ENOX1: variants seen among roughly 807,000 people sequenced by gnomAD.
ENOX1 encodes the protein ecto-NOX disulfide-thiol exchanger 1, also known as candidate growth-related and time keeping constitutive hydroquinone (NADH) oxidase.
Under a neutral mutation model 82.5 loss-of-function variants are expected in ENOX1, and 42 were observed. The ratio of observed to expected loss-of-function variants is 0.51; its 90% confidence interval spans 0.40 to 0.66. The LOEUF (loss-of-function observed/expected upper bound fraction) is 0.66, where lower values mean the gene tolerates loss of function less well. Among genes scored for constraint, ENOX1 ranks in the 30% least tolerant of loss-of-function variants. The probability of loss-of-function intolerance (pLI) is 0.00; values close to 1 mark genes in which losing one functional copy is unlikely to be tolerated. For synonymous variants in ENOX1, 271 were observed against 282.2 expected (o/e 0.96, Z 0.40); for missense variants, 608 against 811.6 (o/e 0.75, Z 3.05).
At chr13:43,671,968 C>G (rs2085290202) in intron 1 of ENOX1, among the ~76,000 whole-genome samples, 1 of 152,134 alleles carries the variant, frequency 6.6e-6, no homozygotes, top group South Asian at 2.1e-4. Context: ...CAATAGTGTT[C>G]CAGATATTGG....
chr13:43,334,466 G>T (rs190484448), intron 9 of ENOX1, among the ~76,000 whole-genome samples: 2 of 152,276 alleles, frequency 1.3e-5, no homozygotes, highest in African/African-American at 4.8e-5. Flanking sequence ...TCCTTGAGCT[G>T]CTCAGAGTCC....
intron 14 of ENOX1, among the ~76,000 whole-genome samples, chr13:43,249,396 T>C (rs2043323173): frequency 6.6e-6 from 1 of 151,980 alleles, no homozygotes; most frequent in African/African-American, 2.4e-5. Flanking sequence ...ACATGAAAAA[T>C]CTCCTCAACC....
chr13:43,574,268 C>T (rs944139235), intron 2 of ENOX1, among the ~76,000 whole-genome samples: 2 of 152,068 alleles, frequency 1.3e-5, no homozygotes, highest in African/African-American at 4.8e-5. Flanking sequence ...AAACAAGAGG[C>T]CACGCGAAGG....
chr13:43,636,556 T>C (rs1362674395), intron 2 of ENOX1, among the ~76,000 whole-genome samples: 1 of 152,226 alleles, frequency 6.6e-6, no homozygotes, highest in Admixed American at 6.5e-5. Context: ...AAATATTCTC[T>C]TAGCAAAAAT....
chr13:43,650,622 T>C (rs951556233), intron 2 of ENOX1, among the ~76,000 whole-genome samples: 7 of 151,596 alleles, frequency 4.6e-5, no homozygotes, highest in Admixed American at 1.3e-4. Flanking sequence ...GTGGATCATC[T>C]GAGGTCAGGA....
Position 43,608,061 on chromosome 13 carries a change from C to T in ENOX1, c.-219+59418G>A, listed in dbSNP as rs777051557. ...CATTCCATCATGTGACACCACTTTA[C>T]GATATCTTCCTTTGTTATGTGTTCC... is the stretch of plus-strand genomic sequence containing the variant. On this transcript the variant is annotated intron_variant, in intron 2 of 16. Transcript: ENST00000690772. 2.0e-5 allele frequency among the ~76,000 whole-genome samples: 3 copies of T among 152,100 alleles called. 1 individual carries two copies. The highest frequency in any genetic ancestry group is 1.9e-4 in the East Asian group (1 of 5,186).
intron 3 of ENOX1, among the ~76,000 whole-genome samples, chr13:43,452,588 T>C (rs2057027148): frequency 6.6e-6 from 1 of 152,172 alleles, no homozygotes; most frequent in Non-Finnish European, 1.5e-5. Context: ...AGTGGCATGA[T>C]CTCAGCTCAC....
At chr13:43,777,709 A>T (rs1242963936) in intron 1 of ENOX1, among the ~76,000 whole-genome samples, 3 of 145,312 alleles carry the variant, frequency 2.1e-5, no homozygotes, top group African/African-American at 7.5e-5. Context: ...TGCCTGGCTA[A>T]TTTTTTTTTT....
intron 5 of ENOX1, among the ~76,000 whole-genome samples, chr13:43,391,630 TCC>T (rs2052781060): frequency 6.6e-6 from 1 of 152,036 alleles, no homozygotes; most frequent in African/African-American, 2.4e-5. Context: ...TCTCTCTCAC[TCC>T]CCTGTCATCT....
At chr13:43,740,723 T>G (rs1252527926) in intron 1 of ENOX1, among the ~76,000 whole-genome samples, 3 of 152,216 alleles carry the variant, frequency 2.0e-5, no homozygotes, top group African/African-American at 7.2e-5. Flanking sequence ...CAGGCATTTC[T>G]TATAAATGGA....
At chr13:43,448,079 T>C (rs535034358) in intron 3 of ENOX1, among the ~76,000 whole-genome samples, 2 of 152,324 alleles carry the variant, frequency 1.3e-5, no homozygotes, top group Admixed American at 1.3e-4. Flanking sequence ...ACTGGAAACA[T>C]TATTGAACAG....
chr13:43,330,934 C>A (rs1161240924), intron 9 of ENOX1, among the ~76,000 whole-genome samples: 2 of 152,096 alleles, frequency 1.3e-5, no homozygotes, highest in Admixed American at 6.5e-5. Flanking sequence ...TTGCACTTTT[C>A]CCCACCCCAA....
chr13:43,661,196 T>C (rs965339968), intron 2 of ENOX1, among the ~76,000 whole-genome samples: 1 of 152,230 alleles, frequency 6.6e-6, no homozygotes, highest in African/African-American at 2.4e-5. Flanking sequence ...CTGAAATAAT[T>C]GTCTTTATAG....
chr13:43,701,340 A>T (rs1386233977), intron 1 of ENOX1, among the ~76,000 whole-genome samples: 1 of 152,200 alleles, frequency 6.6e-6, no homozygotes, highest in Non-Finnish European at 1.5e-5. Flanking sequence ...AAAGACTTAG[A>T]TTGTTCATCA....
intron 16 of ENOX1, among the ~76,000 whole-genome samples, chr13:43,217,372 C>T (rs1477558745): frequency 1.3e-5 from 2 of 152,174 alleles, no homozygotes; most frequent in African/African-American, 2.4e-5. Flanking sequence ...TCCATCAAAA[C>T]GGTAAGCAAA....
intron 1 of ENOX1, among the ~76,000 whole-genome samples, chr13:43,703,220 C>T (rs887881176): frequency 6.6e-6 from 1 of 152,134 alleles, no homozygotes; most frequent in Non-Finnish European, 1.5e-5. Flanking sequence ...AGAGGAATGA[C>T]TTGGGAGGCA....
intron 2 of ENOX1, among the ~76,000 whole-genome samples, chr13:43,660,426 T>C (rs187355069): frequency 1.5e-3 from 228 of 152,340 alleles, no homozygotes; most frequent in African/African-American, 5.3e-3. Flanking sequence ...GAAATGGGGA[T>C]TACTCTTTTT....
intron 2 of ENOX1, among the ~76,000 whole-genome samples, chr13:43,489,628 C>T (rs578193011): frequency 6.6e-6 from 1 of 152,250 alleles, no homozygotes; most frequent in Admixed American, 6.5e-5. Context: ...CTCATAAAAT[C>T]CCATTATTGT....
At position 43,683,042 on chromosome 13, in the gene ENOX1, C is replaced by T. The variant is rs114775651; in HGVS notation, c.-284-15498G>A. The stretch of plus-strand genomic sequence containing the variant: ...TTAGCTTCAGAGGGAGAATGTGGCA[C>T]GTCAAATCTAAGGTATCTCATCCTT... On this transcript the variant is annotated intron_variant, in intron 1 of 16. Transcript: ENST00000690772. 9.0e-3 allele frequency among the ~76,000 whole-genome samples: 1,368 copies of T among 152,244 alleles called. 20 individuals are homozygous for T. The highest frequency in any genetic ancestry group is 0.031 in the African/African-American group (1,292 of 41,536).
Sources: allele counts gnomAD v4.1 joint callset (sites outside exome capture counted in the v4.1 genomes callset), GRCh38; gene constraint gnomAD v4.1.1; transcripts MANE v1.5; gene names NCBI Gene and HGNC (gene_info 2026-07-23, HGNC 2026-07-21).